The following KCNJ6 variants were observed in gnomAD, a reference collection of about 807,000 sequenced individuals.
KCNJ6 encodes the protein G protein-activated inward rectifier potassium channel 2.
Under a neutral mutation model 34.2 loss-of-function variants are expected in KCNJ6, and 9 were observed. The observed-to-expected ratio is 0.26, with a 90% CI of 0.16 to 0.46. The LOEUF (loss-of-function observed/expected upper bound fraction) is 0.46. Ranked by LOEUF, KCNJ6 falls within the 20% of genes least tolerant of loss-of-function variation. The pLI, the probability that KCNJ6 is intolerant of heterozygous loss-of-function variation, is 1.00. For synonymous variants in KCNJ6, 196 were observed against 207.1 expected, an observed-to-expected ratio of 0.95 and a Z score of 0.46; for missense variants, 236 against 531.3, an observed-to-expected ratio of 0.44 and a Z score of 5.46.
At chr21:37,891,883 G>C (rs2055763911) in intron 1 of KCNJ6, among the ~76,000 whole-genome samples, 1 of 151,990 alleles carries the variant, frequency 6.6e-6, no homozygotes, top group Admixed American at 6.5e-5. Flanking sequence ...TGCTGGGCTG[G>C]GTGTGGGTTG....
At chr21:37,881,968 T>A (rs983011632) in intron 1 of KCNJ6, among the ~76,000 whole-genome samples, 2 of 152,130 alleles carry the variant, frequency 1.3e-5, no homozygotes, top group Admixed American at 6.5e-5. Context: ...GTCTCACAGC[T>A]AAAGCTGCTT....
chr21:37,915,005 C>A (rs561089866), intron 1 of KCNJ6, among the ~76,000 whole-genome samples: 50 of 152,018 alleles, frequency 3.3e-4, no homozygotes, highest in African/African-American at 1.1e-3. Context: ...TAACCTCACC[C>A]TCTGTGGCTG....
chr21:37,651,097 C>T (rs1002387993), intron 3 of KCNJ6, among the ~76,000 whole-genome samples: 2 of 152,042 alleles, frequency 1.3e-5, no homozygotes, highest in African/African-American at 4.8e-5. Flanking sequence ...ATGAGTTTTA[C>T]AAAAGAAAGG....
intron 2 of KCNJ6, among the ~76,000 whole-genome samples, chr21:37,763,346 T>A (rs2055075386): frequency 6.6e-6 from 1 of 152,154 alleles, no homozygotes; most frequent in Non-Finnish European, 1.5e-5. Flanking sequence ...AGGAGGTGAT[T>A]CCCTGAACAG....
chr21:37,878,598 G>A (rs781659013), intron 1 of KCNJ6, among the ~76,000 whole-genome samples: 1 of 152,230 alleles, frequency 6.6e-6, no homozygotes, highest in Non-Finnish European at 1.5e-5. Context: ...AGCTTAGCAT[G>A]AGGCCTTACC....
intron 3 of KCNJ6, among the ~76,000 whole-genome samples, chr21:37,633,358 T>C (rs982946764): frequency 1.3e-5 from 2 of 152,142 alleles, no homozygotes; most frequent in African/African-American, 2.4e-5. Flanking sequence ...TTATTTTTGA[T>C]GATGATGATG....
chr21:37,916,364 G>A lies in KCNJ6; in HGVS notation c.-508C>T, dbSNP rs1409138008. On this transcript the variant is annotated 5_prime_UTR_variant, in exon 1 of 4. Transcript: ENST00000609713. ...GGTGGACCACGCAGAGAGACGTCAT[G>A]AAATCCGCAGATTCAATGAATGCTA... 3 of 152,176 alleles carry A rather than the reference G, an allele frequency of 2.0e-5. No homozygotes were observed. The highest frequency in any genetic ancestry group is 7.2e-5 in the African/African-American group (3 of 41,432). 9.4% of individuals were successfully genotyped at this position (152,176 alleles called of 1,614,324 possible).
intron 1 of KCNJ6, among the ~76,000 whole-genome samples, chr21:37,842,198 GAA>G (rs938786384): frequency 4.6e-5 from 7 of 152,282 alleles, no homozygotes; most frequent in African/African-American, 1.7e-4. Context: ...TCATCGTTAT[GAA>G]GTTTACTCAT....
chr21:37,894,194 C>A (rs550460423), intron 1 of KCNJ6, among the ~76,000 whole-genome samples: 1 of 152,320 alleles, frequency 6.6e-6, no homozygotes, highest in South Asian at 2.1e-4. Context: ...AGTCACTTAG[C>A]AGATATGTGG....
chr21:37,762,699 C>T (rs1021462080), intron 2 of KCNJ6, among the ~76,000 whole-genome samples: 12 of 152,116 alleles, frequency 7.9e-5, no homozygotes, highest in East Asian at 3.9e-4. Flanking sequence ...CTGGGCCATT[C>T]GGTGACCTGT....
intron 1 of KCNJ6, among the ~76,000 whole-genome samples, chr21:37,878,277 A>T (rs1326321911): frequency 1.4e-4 from 21 of 146,486 alleles, no homozygotes; most frequent in African/African-American, 3.1e-4. Context: ...TTTTTTTTTT[A>T]AAGAATTACC....
At chr21:37,730,186 C>A (rs984471251) in intron 2 of KCNJ6, among the ~76,000 whole-genome samples, 1 of 152,254 alleles carries the variant, frequency 6.6e-6, no homozygotes, top group Non-Finnish European at 1.5e-5. Context: ...GGAATCCCAG[C>A]TCTGCTGCCC....
chr21:37,755,386 T>C (rs984472307), intron 2 of KCNJ6, among the ~76,000 whole-genome samples: 1 of 152,216 alleles, frequency 6.6e-6, no homozygotes, highest in African/African-American at 2.4e-5. Context: ...AGAAGGCTCT[T>C]TCCTGAGACT....
At chr21:37,915,644 C>G (rs1171285605) in intron 1 of KCNJ6, among the ~76,000 whole-genome samples, 2 of 152,244 alleles carry the variant, frequency 1.3e-5, no homozygotes, top group Non-Finnish European at 2.9e-5. Context: ...CTCCTTCCCC[C>G]GCCCCCCGTG....
At chr21:37,683,650 C>G (rs998717393) in intron 3 of KCNJ6, among the ~76,000 whole-genome samples, 1 of 152,214 alleles carries the variant, frequency 6.6e-6, no homozygotes, top group African/African-American at 2.4e-5. Context: ...GTAGGAAAGA[C>G]CAAAGCCTGG....
intron 3 of KCNJ6, among the ~76,000 whole-genome samples, chr21:37,705,869 G>A (rs759047299): frequency 6.6e-5 from 10 of 152,306 alleles, no homozygotes; most frequent in Non-Finnish European, 1.3e-4. Flanking sequence ...ATGTTAATGT[G>A]ACATTTTATA....
chr21:37,755,790 G>A (rs911268576), intron 2 of KCNJ6, among the ~76,000 whole-genome samples: 31 of 152,186 alleles, frequency 2.0e-4, no homozygotes, highest in African/African-American at 6.3e-4. Flanking sequence ...ACGAGGGTGC[G>A]GTACAGGCAG....
chr21:37,915,766 G>C (rs776326140), intron 1 of KCNJ6, 118 bp downstream of exon 1: 4 of 152,234 alleles, frequency 2.6e-5, no homozygotes, highest in Non-Finnish European at 5.9e-5. Flanking sequence ...CATGAGAGTG[G>C]AGATGCCTGC....
At chr21:37,825,059 C>T (rs1208080123) in intron 2 of KCNJ6, among the ~76,000 whole-genome samples, 1 of 152,238 alleles carries the variant, frequency 6.6e-6, no homozygotes, top group African/African-American at 2.4e-5. Flanking sequence ...TCTCTGCTTC[C>T]CTCTTACAAG....
Sources: gnomAD v4.1 joint callset for allele counts (sites outside exome capture counted in the v4.1 genomes callset) on GRCh38, gnomAD v4.1.1 for gene constraint, MANE v1.5 for transcripts, NCBI Gene and HGNC (gene_info 2026-07-23, HGNC 2026-07-21) for gene names.